The following MAGI1 variants were observed in gnomAD, a reference collection of about 807,000 sequenced individuals.
MAGI1 encodes the protein membrane-associated guanylate kinase, WW and PDZ domain-containing protein 1.
A neutral mutation model predicts 139.9 loss-of-function variants in MAGI1; 58 were observed. The observed-to-expected ratio is 0.41, with a 90% CI of 0.34 to 0.52. The LOEUF (loss-of-function observed/expected upper bound fraction) is 0.52. Among genes scored for constraint, MAGI1 ranks in the 20% least tolerant of loss-of-function variants. The pLI is 0.12. For missense variants in MAGI1, 1,874 were observed against 1,901.6 expected, an observed-to-expected ratio of 0.99 and a Z score of 0.27; for synonymous variants, 812 against 737.9, an observed-to-expected ratio of 1.10 and a Z score of -1.63.
chr3:65,430,450 ACT>A (rs1414538619), intron 11 of MAGI1, among the ~76,000 whole-genome samples: 1 of 152,090 alleles, frequency 6.6e-6, no homozygotes, highest in African/African-American at 2.4e-5. Flanking sequence ...AGTTTTAGTA[ACT>A]CATTGCTTTA....
intron 1 of MAGI1, among the ~76,000 whole-genome samples, chr3:65,735,391 C>G (rs1008051849): frequency 4.4e-5 from 3 of 67,890 alleles, no homozygotes; most frequent in Non-Finnish European, 8.6e-5. Flanking sequence ...AGGAGATCAA[C>G]AGAAAATATA....
intron 1 of MAGI1, among the ~76,000 whole-genome samples, chr3:65,983,283 C>T (rs2065685258): frequency 6.6e-6 from 1 of 152,202 alleles, no homozygotes; most frequent in South Asian, 2.1e-4. Flanking sequence ...CCTTCTGCTT[C>T]AGTAGTTACT....
chr3:65,439,519 T>C (rs1166528255), intron 9 of MAGI1, among the ~76,000 whole-genome samples: 1 of 152,312 alleles, frequency 6.6e-6, no homozygotes, highest in Non-Finnish European at 1.5e-5. Context: ...GTTAGTTTCA[T>C]GCCCAGTAAC....
intron 1 of MAGI1, among the ~76,000 whole-genome samples, chr3:65,933,384 T>C (rs914582392): frequency 1.3e-5 from 2 of 152,202 alleles, no homozygotes; most frequent in Non-Finnish European, 2.9e-5. Flanking sequence ...TTCACTAATA[T>C]GGCTGCTGAT....
At chr3:65,446,116 C>A (rs986940463) in intron 7 of MAGI1, among the ~76,000 whole-genome samples, 2 of 152,144 alleles carry the variant, frequency 1.3e-5, no homozygotes, top group African/African-American at 4.8e-5. Context: ...ACATTCCTCC[C>A]TTGTGCTGTG....
intron 1 of MAGI1, among the ~76,000 whole-genome samples, chr3:65,951,938 G>A (rs1377855908): frequency 1.3e-5 from 2 of 152,156 alleles, no homozygotes; most frequent in African/African-American, 4.8e-5. Flanking sequence ...ATAAATAATG[G>A]TGAATCTATT....
chr3:65,715,862 G>A (rs901622996), intron 1 of MAGI1, among the ~76,000 whole-genome samples: 8 of 152,164 alleles, frequency 5.3e-5, no homozygotes, highest in South Asian at 2.1e-4. Context: ...AATTCCTTCC[G>A]TTTTGGATTT....
At chr3:65,589,522 G>T (rs1432748869) in intron 2 of MAGI1, among the ~76,000 whole-genome samples, 1 of 152,018 alleles carries the variant, frequency 6.6e-6, no homozygotes, top group Non-Finnish European at 1.5e-5. Flanking sequence ...GCCTTAGCTT[G>T]GGCTTTTTCA....
chr3:65,367,186 T>A (rs1465878985), intron 18 of MAGI1, among the ~76,000 whole-genome samples: 1 of 152,220 alleles, frequency 6.6e-6, no homozygotes, highest in Non-Finnish European at 1.5e-5. Context: ...TGTCTCCTTG[T>A]AATCAAAGTG....
At chr3:65,418,218 T>C (rs753041367) in intron 12 of MAGI1, among the ~76,000 whole-genome samples, 6 of 152,174 alleles carry the variant, frequency 3.9e-5, no homozygotes, top group Non-Finnish European at 7.3e-5. Flanking sequence ...CAAATATGTA[T>C]GGCACAGACT....
intron 1 of MAGI1, among the ~76,000 whole-genome samples, chr3:65,928,337 C>T (rs2062625862): frequency 6.6e-6 from 1 of 152,194 alleles, no homozygotes; most frequent in African/African-American, 2.4e-5. Context: ...TGGTTCTTAA[C>T]CATTAACTAG....
At chr3:65,361,038 AGAG>A (rs753861964) in intron 22 of MAGI1, 158 bp downstream of exon 22, 61 of 1,510,936 alleles carry the variant, frequency 4.0e-5, no homozygotes, top group Middle Eastern at 1.8e-4. Flanking sequence ...TGAAATGTGT[AGAG>A]ATTTCAGAAC....
At chr3:65,746,390 T>A (rs13082614) in intron 1 of MAGI1, among the ~76,000 whole-genome samples, 41,005 of 152,144 alleles carry the variant, frequency 0.27, 6,631 homozygotes, top group East Asian at 0.43. Flanking sequence ...TTGATGTAAA[T>A]GTTTCTATAT....
chr3:65,417,864 A>G (rs1946342811), intron 12 of MAGI1, among the ~76,000 whole-genome samples: 1 of 152,180 alleles, frequency 6.6e-6, no homozygotes, highest in Non-Finnish European at 1.5e-5. Context: ...GTCATGTCAA[A>G]TACTGCCCAT....
rs9843006 is a variant in MAGI1 at position 65,870,805 on chromosome 3, G to A, written c.313+167191C>T. Among the ~76,000 whole-genome samples the A allele has an allele frequency of 5.1e-3, 779 of 151,988 alleles. 8 individuals are homozygous for A. Among genetic ancestry groups the A allele is most frequent in the African/African-American group, 0.017 (708 of 41,462 alleles). On this transcript the variant is annotated intron_variant, in intron 1 of 22. Coordinates refer to ENST00000402939, the MANE Select transcript of MAGI1 (RefSeq NM_001033057.2). ...ACAAGTGTGAAAAGATATTCAGGCC[G>A]GGCATGGTGGCTCATGCCTGTAATC...
At chr3:66,032,644 T>C (rs2068684080) in intron 1 of MAGI1, among the ~76,000 whole-genome samples, 1 of 151,592 alleles carries the variant, frequency 6.6e-6, no homozygotes, top group African/African-American at 2.4e-5. Flanking sequence ...CAGGGCCCGT[T>C]GCGGTGGCTC....
At chr3:65,610,239 C>T (rs991512088) in intron 2 of MAGI1, among the ~76,000 whole-genome samples, 11 of 151,952 alleles carry the variant, frequency 7.2e-5, no homozygotes, top group Admixed American at 2.0e-4. Context: ...GAATGCCCAC[C>T]TTTCAATAGC....
chr3:65,523,302 C>T (rs2078242539), intron 2 of MAGI1, among the ~76,000 whole-genome samples: 1 of 152,022 alleles, frequency 6.6e-6, no homozygotes, highest in Non-Finnish European at 1.5e-5. Flanking sequence ...AGGCCATGCT[C>T]TAGTTTACAC....
intron 12 of MAGI1, among the ~76,000 whole-genome samples, chr3:65,425,214 C>A (rs1341170313): frequency 6.6e-6 from 1 of 150,842 alleles, no homozygotes; most frequent in African/African-American, 2.4e-5. Flanking sequence ...AATATTAATG[C>A]TTCCCCACCC....
Sources: gnomAD v4.1 joint callset for allele counts (sites outside exome capture counted in the v4.1 genomes callset) on GRCh38, gnomAD v4.1.1 for gene constraint, MANE v1.5 for transcripts, NCBI Gene and HGNC (gene_info 2026-07-23, HGNC 2026-07-21) for gene names.